CSNK1G3: variants seen among roughly 807,000 people sequenced by gnomAD.
CSNK1G3 encodes the protein casein kinase I isoform gamma-3.
A neutral mutation model predicts 64.3 loss-of-function variants in CSNK1G3; 23 were observed. That is an observed-to-expected ratio of 0.36 (90% CI 0.26 to 0.51). The LOEUF (loss-of-function observed/expected upper bound fraction) is 0.51. Among genes scored for constraint, CSNK1G3 ranks in the 20% least tolerant of loss-of-function variants. The probability of loss-of-function intolerance (pLI) is 0.96; values close to 1 mark genes in which losing one functional copy is unlikely to be tolerated. For missense variants in CSNK1G3, 357 were observed against 510.5 expected, an observed-to-expected ratio of 0.70 and a Z score of 2.90; for synonymous variants, 158 against 162.2, an observed-to-expected ratio of 0.97 and a Z score of 0.20.
At chr5:123,600,111 A>G (rs369722798) in intron 10 of CSNK1G3, among the ~76,000 whole-genome samples, 5 of 152,196 alleles carry the variant, frequency 3.3e-5, no homozygotes, top group African/African-American at 1.2e-4. Context: ...CAGGTTCAGG[A>G]AATTATTTGG....
chr5:123,601,398 C>CCA (rs1794476394), intron 10 of CSNK1G3, among the ~76,000 whole-genome samples: 1 of 152,090 alleles, frequency 6.6e-6, no homozygotes, highest in Admixed American at 6.6e-5. Flanking sequence ...AACTCTGTTA[C>CCA]CACAGTGATT....
intron 1 of CSNK1G3, among the ~76,000 whole-genome samples, chr5:123,522,343 A>C (rs1472729056): frequency 6.6e-6 from 1 of 151,768 alleles, no homozygotes; most frequent in East Asian, 1.9e-4. Context: ...TCTACTAAAA[A>C]TACAAAAAAA....
At chr5:123,534,791 G>T (rs1580959302) in intron 1 of CSNK1G3, among the ~76,000 whole-genome samples, 1 of 152,124 alleles carries the variant, frequency 6.6e-6, no homozygotes, top group African/African-American at 2.4e-5. Flanking sequence ...CTGTGCCCAG[G>T]CTTTGATCCA....
chr5:123,591,992 C>G (rs1210789916), intron 10 of CSNK1G3, among the ~76,000 whole-genome samples: 1 of 151,926 alleles, frequency 6.6e-6, no homozygotes, highest in Non-Finnish European at 1.5e-5. Flanking sequence ...ATACAGTAAG[C>G]TTTGAATCAA....
chr5:123,545,431 C>T, exon 2 of CSNK1G3: 1 of 379,740 alleles, frequency 2.6e-6, no homozygotes, highest in Non-Finnish European at 4.8e-6. Context: ...CTATCAATAT[C>T]AGCTCACATC....
At chr5:123,567,255 A>G (rs1787096407) in intron 4 of CSNK1G3, among the ~76,000 whole-genome samples, 1 of 152,200 alleles carries the variant, frequency 6.6e-6, no homozygotes, top group Non-Finnish European at 1.5e-5. Context: ...ACGATTCAAG[A>G]TGAGATTTGG....
chr5:123,575,333 G>C (rs1463066141), intron 5 of CSNK1G3, among the ~76,000 whole-genome samples: 1 of 152,134 alleles, frequency 6.6e-6, no homozygotes, highest in Admixed American at 6.5e-5. Flanking sequence ...TGTAAAAGTT[G>C]CTTGGTTATT....
At chr5:123,579,552 A>G (rs1309934984) in intron 6 of CSNK1G3, among the ~76,000 whole-genome samples, 1 of 151,972 alleles carries the variant, frequency 6.6e-6, no homozygotes, top group Non-Finnish European at 1.5e-5. Context: ...TATAACAACT[A>G]ACAAAGGTTC....
chr5:123,537,561 A>C (rs1417068929), intron 1 of CSNK1G3, among the ~76,000 whole-genome samples: 3 of 152,288 alleles, frequency 2.0e-5, no homozygotes, highest in African/African-American at 7.2e-5. Context: ...TATGTACCCC[A>C]TAGATTTGTA....
chr5:123,575,553 A>C (rs1788998954), intron 5 of CSNK1G3, among the ~76,000 whole-genome samples, 176 bp from the exon 6 acceptor site: 1 of 152,194 alleles, frequency 6.6e-6, no homozygotes, highest in Non-Finnish European at 1.5e-5. Flanking sequence ...CAAAGATTTT[A>C]AATTGCAATT....
chr5:123,577,621 G>A (rs1789433238), intron 6 of CSNK1G3, among the ~76,000 whole-genome samples: 1 of 151,180 alleles, frequency 6.6e-6, no homozygotes. Flanking sequence ...TAAAAGCTGA[G>A]GATACTCAGA....
At chr5:123,513,298 T>G (rs901046129) in intron 1 of CSNK1G3, among the ~76,000 whole-genome samples, 10 of 152,126 alleles carry the variant, frequency 6.6e-5, no homozygotes, top group Non-Finnish European at 1.5e-4. Context: ...ACATTTCTTT[T>G]CAGCAGGATG....
intron 1 of CSNK1G3, among the ~76,000 whole-genome samples, chr5:123,539,639 T>C (rs552059162): frequency 6.6e-6 from 1 of 152,302 alleles, no homozygotes. Flanking sequence ...GGTTTAATTT[T>C]CTTTGCTCGA....
intron 1 of CSNK1G3, among the ~76,000 whole-genome samples, chr5:123,528,046 T>G (rs1779365700): frequency 6.6e-6 from 1 of 152,174 alleles, no homozygotes; most frequent in African/African-American, 2.4e-5. Flanking sequence ...GTCACTTCAG[T>G]TTTTCCCTTT....
intron 10 of CSNK1G3, among the ~76,000 whole-genome samples, chr5:123,594,321 G>A (rs1318341984): frequency 6.6e-6 from 1 of 152,034 alleles, no homozygotes; most frequent in Non-Finnish European, 1.5e-5. Context: ...TATTTGCCAA[G>A]GGATCTAAAA....
At chr5:123,594,805 T>G (rs1244381968) in intron 10 of CSNK1G3, among the ~76,000 whole-genome samples, 2 of 152,174 alleles carry the variant, frequency 1.3e-5, no homozygotes, top group Non-Finnish European at 2.9e-5. Context: ...GTATTTTTAC[T>G]TCTAAAATTT....
chr5:123,525,055 C>T (rs766541843), intron 1 of CSNK1G3, among the ~76,000 whole-genome samples: 22 of 152,126 alleles, frequency 1.4e-4, no homozygotes, highest in Non-Finnish European at 2.8e-4. Flanking sequence ...GCTTTGTGCT[C>T]GGAAAGCACT....
chr5:123,574,175 A>G (rs1010485350), intron 5 of CSNK1G3, among the ~76,000 whole-genome samples: 3 of 152,112 alleles, frequency 2.0e-5, no homozygotes, highest in African/African-American at 7.2e-5. Context: ...AATTTTGGTA[A>G]TAGACTTTAT....
chr5:123,551,623 A>G (rs1183635967), intron 2 of CSNK1G3, among the ~76,000 whole-genome samples: 1 of 152,206 alleles, frequency 6.6e-6, no homozygotes, highest in African/African-American at 2.4e-5. Context: ...AAAGGTGGCA[A>G]CACAACTGAA....
Sources: gnomAD v4.1 joint callset for allele counts (sites outside exome capture counted in the v4.1 genomes callset) on GRCh38, gnomAD v4.1.1 for gene constraint, MANE v1.5 for transcripts, NCBI Gene and HGNC (gene_info 2026-07-23, HGNC 2026-07-21) for gene names.